Variants in CAST observed in about 807,000 individuals in gnomAD.
CAST encodes calpastatin.
A neutral mutation model predicts 119.6 loss-of-function variants in CAST; 76 were observed. The observed-to-expected ratio is 0.64, with a 90% CI of 0.53 to 0.77. The LOEUF (loss-of-function observed/expected upper bound fraction) is 0.77. CAST is among the 30% of genes least tolerant of loss of function. The pLI is 0.00. For synonymous variants in CAST, 319 were observed against 331.6 expected, an observed-to-expected ratio of 0.96 and a Z score of 0.41; for missense variants, 953 against 946.5, an observed-to-expected ratio of 1.01 and a Z score of -0.09.
chr5:96,298,501 C>A, the CAST span, among the ~76,000 whole-genome samples: 1 of 152,172 alleles, frequency 6.6e-6, no homozygotes, highest in East Asian at 1.9e-4. Context: ...GTACTTATTT[C>A]TGTGTATTGC....
At chr5:96,206,731 A>T in the CAST span, among the ~76,000 whole-genome samples, 2 of 151,920 alleles carry the variant, frequency 1.3e-5, no homozygotes. Context: ...TTGAAGACAG[A>T]TAATGTGATG....
rs936529321 is a variant in CAST, at chr5:96,772,685, G to C, written c.*69G>C. ...CAGCTGGTGGATGGTGACTTTTGAA[G>C]AACAAAAGGCTTTGGCAACAGAAAA... On this transcript the variant is annotated 3_prime_UTR_variant, in exon 32 of 32. Coordinates refer to ENST00000675179, the MANE Select transcript of CAST (RefSeq NM_001750.7). 1 of 152,646 alleles carries C rather than the reference G, an allele frequency of 6.6e-6. No homozygotes were observed. The highest frequency in any genetic ancestry group is 2.4e-5 in the African/African-American group (1 of 41,424). The allele number at this position is 152,646 out of a possible 1,614,324, so 9.5% of individuals were successfully genotyped here.
the CAST span, among the ~76,000 whole-genome samples, chr5:96,496,738 G>A: frequency 6.6e-6 from 1 of 152,154 alleles, no homozygotes; most frequent in Non-Finnish European, 1.5e-5. Context: ...TAGGTTACTT[G>A]CCCAAATAAC....
At chr5:96,544,472 G>A (rs1452152219) in intron 1 of CAST, among the ~76,000 whole-genome samples, 1 of 151,904 alleles carries the variant, frequency 6.6e-6, no homozygotes, top group African/African-American at 2.4e-5. Flanking sequence ...TGACTCTTTG[G>A]GATTTTTTAT....
At chr5:96,284,124 A>G in the CAST span, among the ~76,000 whole-genome samples, 2 of 152,188 alleles carry the variant, frequency 1.3e-5, no homozygotes, top group Non-Finnish European at 2.9e-5. Context: ...TATGTTTCAC[A>G]GAGGAAAAAA....
chr5:96,719,798 A>C (rs1757897962), intron 3 of CAST, among the ~76,000 whole-genome samples: 1 of 152,194 alleles, frequency 6.6e-6, no homozygotes, highest in South Asian at 2.1e-4. Context: ...CTGGGTTAGA[A>C]GTCAGATGGC....
At chr5:96,609,537 G>T (rs1192315615) in intron 1 of CAST, among the ~76,000 whole-genome samples, 1 of 152,160 alleles carries the variant, frequency 6.6e-6, no homozygotes, top group Non-Finnish European at 1.5e-5. Context: ...CAATGCCAAT[G>T]CTCTTGTCCT....
the CAST span, chr5:96,393,524 G>A: frequency 1.0e-6 from 1 of 965,070 alleles, no homozygotes. Flanking sequence ...GGAGCCACAT[G>A]GACTTGGGCT....
the CAST span, among the ~76,000 whole-genome samples, chr5:96,238,346 CA>C: frequency 4.4e-4 from 56 of 127,160 alleles, no homozygotes; most frequent in African/African-American, 1.6e-3. Flanking sequence ...TCTTCTTCTT[CA>C]TCTTCATCTT....
the CAST span, among the ~76,000 whole-genome samples, chr5:96,268,024 T>C: frequency 6.6e-6 from 1 of 152,140 alleles, no homozygotes; most frequent in Non-Finnish European, 1.5e-5. Context: ...ACTTATTATA[T>C]CTATAAGATG....
chr5:96,450,514 A>G, the CAST span, among the ~76,000 whole-genome samples: 1 of 152,340 alleles, frequency 6.6e-6, no homozygotes, highest in South Asian at 2.1e-4. Flanking sequence ...AGTGATGGAT[A>G]TTCTAAAAGC....
chr5:96,587,726 A>C (rs139369486), intron 1 of CAST, among the ~76,000 whole-genome samples: 11 of 152,376 alleles, frequency 7.2e-5, no homozygotes, highest in African/African-American at 2.4e-4. Context: ...GTTATATTCA[A>C]ATCAGGAGGA....
the CAST span, among the ~76,000 whole-genome samples, chr5:96,311,226 A>T: frequency 6.6e-6 from 1 of 151,988 alleles, no homozygotes; most frequent in Non-Finnish European, 1.5e-5. Context: ...TTCATATATT[A>T]ATGAGTTTTC....
At chr5:96,347,862 T>C in the CAST span, among the ~76,000 whole-genome samples, 2 of 152,188 alleles carry the variant, frequency 1.3e-5, no homozygotes, top group African/African-American at 4.8e-5. Context: ...CCGTGTCTAC[T>C]ATGAAGCCAT....
chr5:96,490,344 A>ATGTGTG, the CAST span, among the ~76,000 whole-genome samples: 1 of 111,188 alleles, frequency 9.0e-6, no homozygotes, highest in Non-Finnish European at 1.9e-5. Flanking sequence ...TTGTGTGTAT[A>ATGTGTG]TGTGTGTGTC....
the CAST span, among the ~76,000 whole-genome samples, chr5:96,379,827 G>C: frequency 2.0e-5 from 3 of 152,120 alleles, no homozygotes. Context: ...AAGATCAGAG[G>C]TGTAGCCACA....
At chr5:96,176,911 C>T in the CAST span, among the ~76,000 whole-genome samples, 1 of 152,172 alleles carries the variant, frequency 6.6e-6, no homozygotes, top group African/African-American at 2.4e-5. Context: ...AGGACTGCAT[C>T]ATCTAAATTT....
chr5:96,176,314 C>T, the CAST span, among the ~76,000 whole-genome samples: 40 of 152,196 alleles, frequency 2.6e-4, no homozygotes, highest in Non-Finnish European at 4.9e-4. Flanking sequence ...GAGCTGATTA[C>T]AGATAAGCTT....
the CAST span, chr5:96,412,265 C>T: frequency 6.5e-6 from 9 of 1,375,356 alleles, no homozygotes; most frequent in South Asian, 4.6e-5. Context: ...TCCTTCTCCT[C>T]ATATCCAGAT....
Sources: allele counts gnomAD v4.1 joint callset (sites outside exome capture counted in the v4.1 genomes callset), GRCh38; gene constraint gnomAD v4.1.1; transcripts MANE v1.5; gene names NCBI Gene and HGNC (gene_info 2026-07-23, HGNC 2026-07-21).